SBF2: variants seen among roughly 807,000 people sequenced by gnomAD.
SBF2 encodes SET binding factor 2.
Under a neutral mutation model 225.2 loss-of-function variants are expected in SBF2, and 112 were observed. The ratio of observed to expected loss-of-function variants is 0.50; its 90% CI spans 0.43 to 0.58. The LOEUF is 0.58. SBF2 is among the 20% of genes least tolerant of loss of function. SBF2 has a pLI of 0.00. For missense variants in SBF2, 1,996 were observed against 2,206.2 expected (o/e 0.90, Z 1.91); for synonymous variants, 763 against 773.3 (o/e 0.99, Z 0.22).
At chr11:9,957,264 A>G (rs977777911) in intron 16 of SBF2, 2 of 152,140 alleles carry the variant, frequency 1.3e-5, no homozygotes, top group African/African-American at 4.8e-5. Context: ...CAGGGCACAG[A>G]AACCCTAGAG....
intron 26 of SBF2, among the ~76,000 whole-genome samples, chr11:9,833,926 A>G (rs542620346): frequency 1.3e-5 from 2 of 151,052 alleles, no homozygotes; most frequent in Admixed American, 6.6e-5. Context: ...ATGTGCCACC[A>G]CGCCTGGCTA....
chr11:9,977,387 T>C (rs1241645362), intron 13 of SBF2, among the ~76,000 whole-genome samples: 2 of 151,432 alleles, frequency 1.3e-5, no homozygotes, highest in Non-Finnish European at 2.9e-5. Flanking sequence ...CTAGGAAGGC[T>C]GAAGCAGGAG....
chr11:10,069,445 C>T (rs10840358), intron 2 of SBF2, among the ~76,000 whole-genome samples: 70,187 of 151,580 alleles, frequency 0.46, 16,618 homozygotes, highest in Admixed American at 0.56. Flanking sequence ...TTGCTAAGAA[C>T]GATGGTTTCT....
At chr11:10,016,795 T>C (rs1254493776) in intron 6 of SBF2, 2 of 152,346 alleles carry the variant, frequency 1.3e-5, no homozygotes, top group East Asian at 3.9e-4. Context: ...AAGTTTTACA[T>C]AATTAATAAT....
At chr11:10,112,349 C>T (rs1381640377) in intron 2 of SBF2, among the ~76,000 whole-genome samples, 1 of 152,124 alleles carries the variant, frequency 6.6e-6, no homozygotes, top group Admixed American at 6.5e-5. Flanking sequence ...GCACCATTCT[C>T]GTGATAGTGA....
chr11:10,158,718 C>T lies in SBF2; in HGVS notation c.141+35184G>A, dbSNP rs140200917. On this transcript the variant is annotated intron_variant, in intron 2 of 39. Coordinates refer to ENST00000256190, the MANE Select transcript of SBF2 (RefSeq NM_030962.4). Reference sequence around the variant, plus strand: ...TAAAGACTACAGAAAAAGAAAATTACAAGCTAACATCCCTGGTGAATACAG... The same window carrying T: ...TAAAGACTACAGAAAAAGAAAATTATAAGCTAACATCCCTGGTGAATACAG... 2.1e-3 allele frequency among the ~76,000 whole-genome samples: 318 copies of T among 152,214 alleles called. 2 individuals carry two copies. Among genetic ancestry groups the T allele is most frequent in the African/African-American group, 6.2e-3 (259 of 41,554 alleles).
At chr11:10,002,819 C>A in intron 6 of SBF2, 130 bp from the exon 7 acceptor site, 1 of 820,338 alleles carries the variant, frequency 1.2e-6, no homozygotes, top group Non-Finnish European at 2.0e-6. Context: ...CTTGGTTAAA[C>A]TGTAAATTCC....
Position 9,789,126 on chromosome 11 carries a change from G to A in SBF2, c.4915C>T (p.Leu1639Phe), listed in dbSNP as rs2133858402. Residue 1639 changes from leucine (L) to phenylalanine (F), a missense_variant, in exon 35 of 40, where the codon CTC (leucine) becomes TTC (phenylalanine). By Grantham distance (22) the Leu-to-Phe change is conservative (BLOSUM62 0). Coordinates refer to ENST00000256190, the MANE Select transcript of SBF2 (RefSeq NM_030962.4). ...TGACTTACACTGAAAAGGCTGGTGA[G>A]AGCATCAGGCTGAGTACAGCTGACA... ...DDVSCTQPDALTSLFSEIEKL... is the reference protein window; with the variant it reads ...DDVSCTQPDAFTSLFSEIEKL... 2.5e-6 allele frequency: 4 copies of A among 1,614,130 alleles called. No homozygotes were observed. The highest frequency in any genetic ancestry group is 1.3e-5 in the African/African-American group (1 of 75,036).
intron 2 of SBF2, among the ~76,000 whole-genome samples, chr11:10,079,122 G>A (rs184710443): frequency 1.3e-4 from 20 of 152,192 alleles, no homozygotes; most frequent in African/African-American, 4.6e-4. Flanking sequence ...ATATGCAAAT[G>A]TATCAGTGCA....
intron 16 of SBF2, among the ~76,000 whole-genome samples, chr11:9,947,089 C>A (rs1233596795): frequency 1.3e-5 from 2 of 152,162 alleles, no homozygotes; most frequent in Non-Finnish European, 2.9e-5. Context: ...TAATGAGAAA[C>A]TGGTAGTCCA....
At chr11:10,156,655 A>G (rs1955489031) in intron 2 of SBF2, among the ~76,000 whole-genome samples, 1 of 152,226 alleles carries the variant, frequency 6.6e-6, no homozygotes, top group African/African-American at 2.4e-5. Context: ...TCAGGAATGA[A>G]CTTCCATTCA....
At chr11:9,883,274 C>T (rs1859979500) in intron 17 of SBF2, among the ~76,000 whole-genome samples, 1 of 151,526 alleles carries the variant, frequency 6.6e-6, no homozygotes, top group Non-Finnish European at 1.5e-5. Flanking sequence ...GTATTTCTAC[C>T]ATCTATTGCT....
intron 1 of SBF2, among the ~76,000 whole-genome samples, chr11:10,267,061 T>G (rs1282746039): frequency 6.6e-6 from 1 of 152,144 alleles, no homozygotes; most frequent in Non-Finnish European, 1.5e-5. Context: ...GCCACTGCAC[T>G]CCAGCCTGGG....
intron 2 of SBF2, among the ~76,000 whole-genome samples, chr11:10,122,632 AG>A (rs1394524757): frequency 1.3e-5 from 2 of 152,244 alleles, no homozygotes; most frequent in Non-Finnish European, 2.9e-5. Flanking sequence ...TTTTCCTCAT[AG>A]GAGAATCATT....
At chr11:10,224,131 T>C (rs1421072030) in intron 1 of SBF2, among the ~76,000 whole-genome samples, 3 of 152,124 alleles carry the variant, frequency 2.0e-5, no homozygotes, top group Non-Finnish European at 2.9e-5. Context: ...TGCAACACCT[T>C]TTTCTTAATT....
chr11:10,235,672 G>A (rs1372824902), intron 1 of SBF2, among the ~76,000 whole-genome samples: 1 of 152,050 alleles, frequency 6.6e-6, no homozygotes, highest in African/African-American at 2.4e-5. Flanking sequence ...AGTTCATATT[G>A]TAATTTCTCA....
At chr11:10,036,434 T>C (rs1165561505) in intron 3 of SBF2, among the ~76,000 whole-genome samples, 1 of 152,192 alleles carries the variant, frequency 6.6e-6, no homozygotes, top group Non-Finnish European at 1.5e-5. Flanking sequence ...AAGTATACTT[T>C]ATTCAGAAGA....
At chr11:9,996,857 C>A (rs1442005966) in intron 9 of SBF2, among the ~76,000 whole-genome samples, 1 of 152,158 alleles carries the variant, frequency 6.6e-6, no homozygotes, top group Non-Finnish European at 1.5e-5. Flanking sequence ...CAAACAATCA[C>A]CTAGTCATCT....
chr11:9,825,613 T>C (rs1287738286), intron 28 of SBF2, among the ~76,000 whole-genome samples: 1 of 152,148 alleles, frequency 6.6e-6, no homozygotes, highest in Non-Finnish European at 1.5e-5. Flanking sequence ...GTATGACCAC[T>C]AGGAGATGTG....
Sources: allele counts gnomAD v4.1 joint callset (sites outside exome capture counted in the v4.1 genomes callset), GRCh38; gene constraint gnomAD v4.1.1; transcripts MANE v1.5; gene names NCBI Gene and HGNC (gene_info 2026-07-23, HGNC 2026-07-21).